SMO: variants seen among roughly 807,000 people sequenced by gnomAD.
SMO encodes the protein protein smoothened.
SMO carries 40 observed loss-of-function variants against 81.6 expected under a neutral mutation model. The ratio of observed to expected loss-of-function variants is 0.49; its 90% CI spans 0.38 to 0.64. The LOEUF is 0.64. Among genes scored for constraint, SMO ranks in the 30% least tolerant of loss-of-function variants. The pLI is 0.00. For synonymous variants in SMO, 434 were observed against 432.1 expected (o/e 1.00, Z -0.05); for missense variants, 916 against 1,061.1 (o/e 0.86, Z 1.90).
rs187332789 is a variant in SMO, at chr7:129,212,614, G to A, written c.*163G>A. 5.0e-4 allele frequency: 335 copies of A among 674,974 alleles called. 3 individuals are homozygous for A. Among genetic ancestry groups the A allele is most frequent in the Middle Eastern group, 4.1e-3 (11 of 2,660 alleles). The allele number at this position is 674,974 out of a possible 1,614,324, so 41.8% of individuals were successfully genotyped here. A position where few individuals can be genotyped will look rare whatever the true frequency, so the allele number is the denominator to read the frequency against. The stretch of plus-strand genomic sequence containing the variant: ...ATGTCTGGCTCAAAGCAGCAGGACT[G>A]TGGGAAAGAGCCTAACATCTCCATG... On this transcript the variant is annotated 3_prime_UTR_variant, in exon 12 of 12. Transcript: ENST00000249373. The surrounding 1 kb of genome is among the most constrained non-coding windows in gnomAD (Gnocchi z 5.0).
rs2150638678 is a variant in SMO at position 129,189,538 on chromosome 7, C to T, written c.331+56C>T. The T allele has an allele frequency of 6.6e-7, 1 of 1,521,424 alleles. No individual in the cohort carries two copies. The highest frequency in any genetic ancestry group is 2.2e-4 in the Middle Eastern group (1 of 4,536). 94.2% of individuals were successfully genotyped at this position (1,521,424 alleles called of 1,614,324 possible). ...GGGAGGTGCCGCGGTAAGATGGGGG[C>T]ACCCTTGGAAAGAACAGGCTCAGGC... On this transcript the variant is annotated intron_variant, in intron 1 of 11. Transcript: ENST00000249373. This position sits in a 1 kb window ranked among gnomAD's most constrained non-coding sequence, Gnocchi z 4.7.
At chr7:129,198,346 C>T (rs568293626) in intron 1 of SMO, among the ~76,000 whole-genome samples, 1 of 152,298 alleles carries the variant, frequency 6.6e-6, no homozygotes, top group South Asian at 2.1e-4. Flanking sequence ...ATCTAGCTAC[C>T]CATTTTTCCT....
At position 129,209,370 on chromosome 7, in the gene SMO, G is replaced by A. The variant is rs759391766; in HGVS notation, c.1439G>A (p.Trp480Ter). 2 of 1,613,244 alleles carry A rather than the reference G, an allele frequency of 1.2e-6. No homozygotes were observed. Among genetic ancestry groups the A allele is most frequent in the Non-Finnish European group, 1.7e-6 (2 of 1,179,194 alleles). ...TACGACTTCTTCAACCAGGCTGAGT[G>A]GGAGCGCAGCTTCCGGGACTATGTG... ...HFYDFFNQAEWERSFRDYVLC... is the reference protein window; with the variant it reads ...HFYDFFNQAE The change falls in exon 8 of 12, where the codon TGG becomes TAG. Residue 480 changes from tryptophan (W) to a stop codon, truncating the protein, a stop_gained. Coordinates refer to ENST00000249373, the MANE Select transcript of SMO (RefSeq NM_005631.5). LOFTEE classifies it high-confidence loss of function.
At chr7:129,207,181 C>A (rs13231139) in intron 6 of SMO, among the ~76,000 whole-genome samples, 5,873 of 152,234 alleles carry the variant, frequency 0.039, 140 homozygotes, top group Admixed American at 0.071. Flanking sequence ...AGGATCCAGC[C>A]CCAGTCAGCT....
chr7:129,208,976 AG>A lies in SMO; in HGVS notation c.1357+129del. 1.4e-6 allele frequency: 1 copy of A among 700,562 alleles called. No individual in the cohort carries two copies. The highest frequency in any genetic ancestry group is 2.5e-6 in the Non-Finnish European group (1 of 393,444). The allele number at this position is 700,562 out of a possible 1,614,324, so 43.4% of individuals were successfully genotyped here. A position where few individuals can be genotyped will look rare whatever the true frequency, so the allele number is the denominator to read the frequency against. On this transcript the variant is annotated intron_variant, in intron 7 of 11. Transcript: ENST00000249373. The surrounding 1 kb of genome is among the most constrained non-coding windows in gnomAD (Gnocchi z 5.2). Reference sequence around the variant, plus strand: ...CAAGTTAGCCATAGGGACAAGGACAAGGGGTGTGTGTAGGTGGTAGTGGTAG... The same window carrying A: ...CAAGTTAGCCATAGGGACAAGGACAAGGGTGTGTGTAGGTGGTAGTGGTAG...
At chr7:129,191,527 G>C (rs1032141107) in intron 1 of SMO, among the ~76,000 whole-genome samples, 8 of 152,076 alleles carry the variant, frequency 5.3e-5, no homozygotes, top group Non-Finnish European at 2.9e-5. Flanking sequence ...CTTTCTGCTT[G>C]GGACTTGCAA....
chr7:129,202,096 G>A (rs776273364), intron 1 of SMO, among the ~76,000 whole-genome samples: 3 of 152,120 alleles, frequency 2.0e-5, no homozygotes, highest in Non-Finnish European at 4.4e-5. Context: ...GCAGTCAGAG[G>A]CCTCAGACAA....
Position 129,211,811 on chromosome 7 carries a change from C to T in SMO, c.1936+41C>T. On this transcript the variant is annotated intron_variant, in intron 11 of 11. Coordinates refer to ENST00000249373, the MANE Select transcript of SMO (RefSeq NM_005631.5). This position sits in a 1 kb window ranked among gnomAD's most constrained non-coding sequence, Gnocchi z 4.6. ...CTTCTGGAGGAAGGTGGGGGGAGCACAGAGGCTGGGGGCTTCTGGGACTGG... is the reference window on the plus strand; with the variant it reads ...CTTCTGGAGGAAGGTGGGGGGAGCATAGAGGCTGGGGGCTTCTGGGACTGG... 1 of 1,612,694 alleles carries T rather than the reference C, an allele frequency of 6.2e-7. No individual in the cohort carries two copies.
At chr7:129,194,036 G>A (rs1378568381) in intron 1 of SMO, among the ~76,000 whole-genome samples, 1 of 150,438 alleles carries the variant, frequency 6.6e-6, no homozygotes, top group East Asian at 2.0e-4. Flanking sequence ...AGAGGTTGAG[G>A]CTGCAGTGAG....
chr7:129,201,494 A>G (rs1793669050), intron 1 of SMO, among the ~76,000 whole-genome samples: 1 of 152,138 alleles, frequency 6.6e-6, no homozygotes, highest in African/African-American at 2.4e-5. Flanking sequence ...AAACACATAG[A>G]CTTATGTAAC....
intron 7 of SMO, 195 bp from the exon 8 acceptor site, chr7:129,209,094 G>C: frequency 1.6e-6 from 1 of 609,170 alleles, no homozygotes; most frequent in Non-Finnish European, 3.0e-6. Context: ...CGTCCCACGT[G>C]GTCCCTCCCA....
rs1793848313 is a variant in SMO at position 129,210,310 on chromosome 7, AAG to A, written c.1467-46_1467-45del. ...ACAGAGCAAGATCCTATCTCAAAAA[AAG>A]AGAGAGGAAAAGAAAGGAAAGCCTC... On this transcript the variant is annotated intron_variant, in intron 8 of 11. Coordinates refer to ENST00000249373, the MANE Select transcript of SMO (RefSeq NM_005631.5). This position sits in a 1 kb window ranked among gnomAD's most constrained non-coding sequence, Gnocchi z 4.7. 3 of 1,470,300 alleles carry A rather than the reference AAG, an allele frequency of 2.0e-6. No individual in the cohort carries two copies. The highest frequency in any genetic ancestry group is 2.9e-6 in the Non-Finnish European group (3 of 1,051,934). 91.1% of individuals were successfully genotyped at this position (1,470,300 alleles called of 1,614,324 possible). A position where few individuals can be genotyped will look rare whatever the true frequency, so the allele number is the denominator to read the frequency against.
intron 1 of SMO, among the ~76,000 whole-genome samples, chr7:129,197,618 G>A (rs1345175197): frequency 1.3e-5 from 2 of 151,986 alleles, no homozygotes; most frequent in African/African-American, 4.8e-5. Flanking sequence ...TAGTAGAGAC[G>A]GGGTTTCACC....
At chr7:129,200,213 C>T (rs1418267919) in intron 1 of SMO, among the ~76,000 whole-genome samples, 5 of 152,150 alleles carry the variant, frequency 3.3e-5, no homozygotes, top group South Asian at 2.1e-4. Flanking sequence ...GTCAGGAGAT[C>T]GAGACCATCC....
rs748537025 is a variant in SMO, at chr7:129,206,346, G to A, written c.1117G>A (p.Val373Met). 1.2e-6 allele frequency: 2 copies of A among 1,614,174 alleles called. No individual in the cohort carries two copies. The highest frequency in any genetic ancestry group is 1.7e-6 in the Non-Finnish European group (2 of 1,180,034). Residue 373 changes from valine (V) to methionine (M), a missense_variant, in exon 5 of 12, where the codon GTG (valine) becomes ATG (methionine). By Grantham distance (21) the Val-to-Met change is conservative. Transcript: ENST00000249373. This position sits in a 1 kb window ranked among gnomAD's most constrained non-coding sequence, Gnocchi z 4.4. ...LTWSLPFVLTVAILAVAQVDG... is the reference protein window; with the variant it reads ...LTWSLPFVLTMAILAVAQVDG... ...CTGGTCACTCCCCTTTGTCCTCACT[G>A]TGGCAATCCTTGCTGTGGCGCAGGT...
rs912933220 is a variant in SMO at position 129,212,235 on chromosome 7, A to G, written c.2148A>G (p.Ala716=). The G allele has an allele frequency of 1.9e-6, 3 of 1,593,208 alleles. No individual in the cohort carries two copies. In the African/African-American group the frequency reaches 4.0e-5, roughly 21 times the overall value. ...CCCGGCAGAAATGCCTGGTGGCTGCAGGTGCCTGGGGAGCTGGGGACTCTT... is the reference window on the plus strand; with the variant it reads ...CCCGGCAGAAATGCCTGGTGGCTGCGGGTGCCTGGGGAGCTGGGGACTCTT... ...QLPRQKCLVA[A]GAWGAGDSCR... Residue 716 remains alanine, a synonymous_variant, in exon 12 of 12, where the codon GCA becomes GCG. Coordinates refer to ENST00000249373, the MANE Select transcript of SMO (RefSeq NM_005631.5). The surrounding 1 kb of genome is among the most constrained non-coding windows in gnomAD (Gnocchi z 5.0).
Position 129,189,126 on chromosome 7 carries a change from C to T in SMO, c.-26C>T. The T allele has an allele frequency of 8.3e-7, 1 of 1,201,984 alleles. No individual in the cohort carries two copies. The highest frequency in any genetic ancestry group is 4.2e-5 in the South Asian group (1 of 24,030). The allele number at this position is 1,201,984 out of a possible 1,614,324, so 74.5% of individuals were successfully genotyped here. On this transcript the variant is annotated 5_prime_UTR_variant, in exon 1 of 12. Transcript: ENST00000249373. The surrounding 1 kb of genome is among the most constrained non-coding windows in gnomAD (Gnocchi z 4.7). ...CGAGGAGCAGGCGGGGGCGCCGGGG[C>T]TTTTGCTGAGTTGGCGGGGTTGGCC...
rs537679318 is a variant in SMO at position 129,213,215 on chromosome 7, C to A, written c.*764C>A. ...CCCATCTCCACAGGAGAGACTGGTT[C>A]AGCTCTAGGGCCTCAGTCTGGAGTG... On this transcript the variant is annotated 3_prime_UTR_variant, in exon 12 of 12. Coordinates refer to ENST00000249373, the MANE Select transcript of SMO (RefSeq NM_005631.5). The A allele has an allele frequency of 1.6e-4, 38 of 233,628 alleles. No homozygotes were observed. The highest frequency in any genetic ancestry group is 8.4e-4 in the African/African-American group (38 of 45,488). 14.5% of individuals were successfully genotyped at this position (233,628 alleles called of 1,614,324 possible).
rs1173715127 is a variant in SMO, at chr7:129,203,402, G to A, written c.350G>A (p.Arg117His). Reference sequence around the variant, plus strand: ...CCCCCAGGCCTCCGGAATGCCCCCCGCTGCTGGGCAGTGATCCAGCCCCTG... The same window carrying A: ...CCCCCAGGCCTCCGGAATGCCCCCCACTGCTGGGCAGTGATCCAGCCCCTG... Reference protein sequence around the residue: ...VLWSGLRNAPRCWAVIQPLLC... With the variant: ...VLWSGLRNAPHCWAVIQPLLC... Residue 117 changes from arginine (R) to histidine (H), a missense_variant, in exon 2 of 12, where the codon CGC becomes CAC. Physicochemically the swap from Arg to His is conservative, Grantham distance 29. Transcript: ENST00000249373. The A allele has an allele frequency of 1.0e-5, 16 of 1,552,628 alleles. No individual in the cohort carries two copies. Among genetic ancestry groups the A allele is most frequent in the Middle Eastern group, 1.7e-4 (1 of 5,932 alleles).
Sources: allele counts gnomAD v4.1 joint callset (sites outside exome capture counted in the v4.1 genomes callset), GRCh38; gene constraint gnomAD v4.1.1; non-coding constraint Gnocchi (gnomAD v3.1); transcripts MANE v1.5; gene names NCBI Gene and HGNC (gene_info 2026-07-23, HGNC 2026-07-21).